EPHA6: variants seen among roughly 807,000 people sequenced by gnomAD.
The protein encoded by EPHA6 is EPH receptor A6.
In EPHA6, 50 loss-of-function variants were observed where a neutral mutation model predicts 112.0. That is an observed-to-expected ratio of 0.45 (90% CI 0.36 to 0.56). EPHA6 has a LOEUF of 0.56. EPHA6 is among the 20% of genes least tolerant of loss of function. The pLI, the probability that EPHA6 is intolerant of heterozygous loss-of-function variation, is 0.00. For missense variants in EPHA6, 1,280 were observed against 1,417.4 expected (o/e 0.90, Z 1.56); for synonymous variants, 529 against 490.7 (o/e 1.08, Z -1.03).
chr3:97,041,049 G>A (rs989437477), intron 3 of EPHA6, among the ~76,000 whole-genome samples: 1 of 151,956 alleles, frequency 6.6e-6, no homozygotes, highest in African/African-American at 2.4e-5. Flanking sequence ...GAATTAGTTT[G>A]CTTGTTTATA....
intron 1 of EPHA6, among the ~76,000 whole-genome samples, chr3:96,839,556 T>C (rs539900675): frequency 1.3e-5 from 2 of 152,212 alleles, no homozygotes; most frequent in African/African-American, 4.8e-5. Context: ...ACTATTATTG[T>C]AGTTGATTAC....
chr3:97,392,346 T>G (rs2086455881), intron 5 of EPHA6, among the ~76,000 whole-genome samples: 1 of 151,770 alleles, frequency 6.6e-6, no homozygotes. Flanking sequence ...GATATACTTC[T>G]GTTTTGCTCT....
chr3:96,870,910 T>C (rs563283341), intron 2 of EPHA6, among the ~76,000 whole-genome samples: 10 of 152,192 alleles, frequency 6.6e-5, no homozygotes, highest in Non-Finnish European at 1.2e-4. Flanking sequence ...AAGTAATTCA[T>C]CATAGTAGAA....
intron 10 of EPHA6, among the ~76,000 whole-genome samples, chr3:97,502,706 C>T (rs2092151906): frequency 6.6e-6 from 1 of 151,216 alleles, no homozygotes; most frequent in Admixed American, 6.6e-5. Flanking sequence ...TGGTGGCATG[C>T]ACCTGTAGTC....
At chr3:97,459,315 C>A (rs1396955496) in intron 7 of EPHA6, among the ~76,000 whole-genome samples, 3 of 152,198 alleles carry the variant, frequency 2.0e-5, no homozygotes, top group African/African-American at 7.2e-5. Context: ...ATTTTTCAGA[C>A]CTCCCACTAG....
At chr3:96,890,898 C>T (rs914672058) in intron 2 of EPHA6, among the ~76,000 whole-genome samples, 2 of 152,100 alleles carry the variant, frequency 1.3e-5, no homozygotes, top group African/African-American at 2.4e-5. Context: ...CCAGCCTGGC[C>T]AACATGGTGA....
intron 3 of EPHA6, among the ~76,000 whole-genome samples, chr3:97,110,587 C>G (rs184603797): frequency 7.4e-4 from 112 of 152,140 alleles, no homozygotes; most frequent in African/African-American, 2.5e-3. Context: ...TGCAGTGGTG[C>G]AATCTCTGTT....
chr3:97,418,403 T>G (rs1476038412), intron 6 of EPHA6, among the ~76,000 whole-genome samples: 1 of 151,982 alleles, frequency 6.6e-6, no homozygotes, highest in Non-Finnish European at 1.5e-5. Flanking sequence ...ATCTAGAAAC[T>G]TTATTACAGC....
chr3:97,607,016 T>C (rs1458073138), intron 12 of EPHA6, among the ~76,000 whole-genome samples: 1 of 151,078 alleles, frequency 6.6e-6, no homozygotes, highest in Non-Finnish European at 1.5e-5. Flanking sequence ...CTTAAATCTG[T>C]AATAGAGTTT....
intron 5 of EPHA6, among the ~76,000 whole-genome samples, chr3:97,334,926 C>A (rs1021575525): frequency 2.6e-5 from 4 of 151,966 alleles, no homozygotes; most frequent in African/African-American, 9.7e-5. Flanking sequence ...GATTTTAGTT[C>A]TTTTAAACCT....
intron 5 of EPHA6, 145 bp downstream of exon 5, chr3:97,244,432 T>A: frequency 1.5e-6 from 1 of 665,354 alleles, no homozygotes; most frequent in Non-Finnish European, 2.5e-6. Flanking sequence ...GTTGTTCTTG[T>A]TCTTTCCTAA....
intron 3 of EPHA6, among the ~76,000 whole-genome samples, chr3:97,075,911 T>G (rs1450381690): frequency 6.6e-6 from 1 of 152,076 alleles, no homozygotes; most frequent in Admixed American, 6.6e-5. Context: ...ACCATGTTCA[T>G]CAAAGATAGT....
At chr3:97,280,248 C>T (rs2080240120) in intron 5 of EPHA6, among the ~76,000 whole-genome samples, 2 of 152,194 alleles carry the variant, frequency 1.3e-5, no homozygotes, top group South Asian at 2.1e-4. Context: ...TGCTAGATTT[C>T]CTTCTCTCTC....
intron 5 of EPHA6, among the ~76,000 whole-genome samples, chr3:97,324,441 C>CTTTCTTTCTT (rs1472260560): frequency 2.1e-4 from 30 of 146,120 alleles, no homozygotes; most frequent in Non-Finnish European, 1.8e-4. Flanking sequence ...TTCTTTCTTT[C>CTTTCTTTCTT]TTTCTTTCTT....
At chr3:97,168,575 G>GTCTGTC (rs537819269) in intron 3 of EPHA6, among the ~76,000 whole-genome samples, 5 of 144,904 alleles carry the variant, frequency 3.5e-5, no homozygotes, top group East Asian at 2.0e-4. Flanking sequence ...CTTTCTCTCT[G>GTCTGTC]TCTCTCTCTC....
chr3:97,295,069 T>A lies in EPHA6; in HGVS notation c.1606+50782T>A, dbSNP rs546030159. ...GTATCATGTAGAAGACTTTTTTGGG[T>A]AATAGCTATTTGGGGATCTCTGAGT... On this transcript the variant is annotated intron_variant, in intron 5 of 17. Transcript: ENST00000389672. Among the ~76,000 whole-genome samples the A allele has an allele frequency of 2.0e-5, 3 of 152,280 alleles. No individual in the cohort carries two copies. In the South Asian group the frequency reaches 6.2e-4, roughly 32 times the overall value.
chr3:97,060,498 G>A (rs2045984183), intron 3 of EPHA6, among the ~76,000 whole-genome samples: 1 of 152,112 alleles, frequency 6.6e-6, no homozygotes, highest in Admixed American at 6.5e-5. Context: ...TGGCTGATTT[G>A]AATGACCCAA....
At chr3:97,688,803 C>T (rs2107701209) in intron 14 of EPHA6, among the ~76,000 whole-genome samples, 1 of 151,584 alleles carries the variant, frequency 6.6e-6, no homozygotes, top group East Asian at 1.9e-4. Context: ...TTTTTAAAAA[C>T]TAACTTGTGC....
intron 1 of EPHA6, among the ~76,000 whole-genome samples, chr3:96,851,534 T>C (rs2035387408): frequency 6.6e-6 from 1 of 152,146 alleles, no homozygotes; most frequent in South Asian, 2.1e-4. Flanking sequence ...TCCCTAAACA[T>C]ATGAAACAGT....
Sources: gnomAD v4.1 joint callset for allele counts (sites outside exome capture counted in the v4.1 genomes callset) on GRCh38, gnomAD v4.1.1 for gene constraint, MANE v1.5 for transcripts, NCBI Gene and HGNC (gene_info 2026-07-23, HGNC 2026-07-21) for gene names.